The following NAV2 variants were observed in gnomAD, a reference collection of about 807,000 sequenced individuals.
The protein encoded by NAV2 is neuron navigator 2.
In NAV2, 54 loss-of-function variants were observed where a neutral mutation model predicts 223.2. The observed-to-expected ratio is 0.24, with a 90% CI of 0.19 to 0.30. The LOEUF is 0.30. Ranked by LOEUF, NAV2 falls within the 10% of genes least tolerant of loss-of-function variation. The pLI, the probability that NAV2 is intolerant of heterozygous loss-of-function variation, is 1.00. For synonymous variants in NAV2, 1,279 were observed against 1,239.3 expected (o/e 1.03, Z -0.67); for missense variants, 2,806 against 3,147.5 (o/e 0.89, Z 2.60).
chr11:19,824,300 C>T (rs962824989), intron 1 of NAV2, among the ~76,000 whole-genome samples: 47 of 152,314 alleles, frequency 3.1e-4, no homozygotes, highest in Non-Finnish European at 1.0e-4. Context: ...CACACCTACA[C>T]CTGAGACTGT....
intron 24 of NAV2, among the ~76,000 whole-genome samples, chr11:20,078,604 A>G (rs1016804724): frequency 2.0e-5 from 3 of 152,046 alleles, no homozygotes; most frequent in Admixed American, 1.3e-4. Context: ...GATTACAGGC[A>G]TGTGCCAGCA....
At chr11:19,611,318 T>C (rs2046637131) in intron 1 of NAV2, among the ~76,000 whole-genome samples, 1 of 152,080 alleles carries the variant, frequency 6.6e-6, no homozygotes, top group African/African-American at 2.4e-5. Flanking sequence ...ACCATATCAT[T>C]CCACCCCTGG....
intron 10 of NAV2, among the ~76,000 whole-genome samples, chr11:19,954,192 TA>T (rs1026111201): frequency 6.6e-6 from 1 of 152,174 alleles, no homozygotes; most frequent in African/African-American, 2.4e-5. Flanking sequence ...TGGTGATATT[TA>T]GGGCTAAGGA....
chr11:19,741,738 T>C (rs2052847728), intron 1 of NAV2, among the ~76,000 whole-genome samples: 1 of 147,924 alleles, frequency 6.8e-6, no homozygotes, highest in African/African-American at 2.5e-5. Context: ...TCACAATTTA[T>C]TTATCCATTT....
chr11:19,408,585 A>G (rs1850001976), intron 1 of NAV2, among the ~76,000 whole-genome samples: 1 of 152,214 alleles, frequency 6.6e-6, no homozygotes, highest in African/African-American at 2.4e-5. Flanking sequence ...AGCAAACTGC[A>G]ATATACTTAC....
intron 11 of NAV2, among the ~76,000 whole-genome samples, chr11:20,003,726 C>T (rs2052780717): frequency 6.6e-6 from 1 of 152,164 alleles, no homozygotes; most frequent in South Asian, 2.1e-4. Context: ...GCACACCTCC[C>T]ACTGTTCTGG....
At chr11:19,524,628 G>A (rs147673308) in intron 1 of NAV2, among the ~76,000 whole-genome samples, 4 of 151,482 alleles carry the variant, frequency 2.6e-5, no homozygotes, top group East Asian at 1.9e-4. Context: ...TGGCTTTGGT[G>A]GGGGGCTGGG....
At chr11:19,485,042 AGAG>A (rs1263681439) in intron 1 of NAV2, among the ~76,000 whole-genome samples, 2 of 4,492 alleles carry the variant, frequency 4.5e-4, no homozygotes, top group Admixed American at 0.022. Flanking sequence ...CTAGAGGCCC[AGAG>A]GCCCAGGCTA....
chr11:19,627,275 G>A (rs2047198535), intron 1 of NAV2, among the ~76,000 whole-genome samples: 1 of 152,014 alleles, frequency 6.6e-6, no homozygotes, highest in Non-Finnish European at 1.5e-5. Flanking sequence ...GTAATCCCAG[G>A]TACTCAGGAG....
chr11:19,920,831 C>T (rs916093143), intron 6 of NAV2, among the ~76,000 whole-genome samples: 1 of 152,144 alleles, frequency 6.6e-6, no homozygotes, highest in Non-Finnish European at 1.5e-5. Context: ...CTTTCCACTT[C>T]ATTATAATTA....
At position 20,101,049 on chromosome 11, in the gene NAV2, C is replaced by A; in HGVS notation, c.6294C>A (p.Gly2098=). 6.2e-7 allele frequency: 1 copy of A among 1,614,106 alleles called. No homozygotes were observed. The highest frequency in any genetic ancestry group is 8.5e-7 in the Non-Finnish European group (1 of 1,179,986). ...AGCACCGTCGGATCATTCTCTCTGG[C>A]CCCAGCGGCACTGGGAAAACCTACC... is the stretch of plus-strand genomic sequence containing the variant. ...LIEHRRIILS[G]PSGTGKTYLA... Residue 2098 remains glycine (G), a synonymous_variant, in exon 32 of 38, where the codon GGC becomes GGA. Coordinates refer to ENST00000349880, the MANE Select transcript of NAV2 (RefSeq NM_145117.5).
chr11:19,902,592 G>T (rs573728600), intron 6 of NAV2, among the ~76,000 whole-genome samples: 3 of 152,282 alleles, frequency 2.0e-5, no homozygotes, highest in East Asian at 3.9e-4. Context: ...ATGTTCATCC[G>T]ATCTTCAGAT....
intron 10 of NAV2, among the ~76,000 whole-genome samples, chr11:19,980,518 GCTC>G (rs2050204123): frequency 6.6e-6 from 1 of 152,178 alleles, no homozygotes. Flanking sequence ...TCTTATAAAA[GCTC>G]CTCAAGTGGA....
intron 1 of NAV2, among the ~76,000 whole-genome samples, chr11:19,623,234 TTA>T (rs2047061931): frequency 6.6e-6 from 1 of 152,006 alleles, no homozygotes; most frequent in Non-Finnish European, 1.5e-5. Context: ...AATCTGACAA[TTA>T]TGTGTCTTGG....
chr11:19,934,090 C>G lies in NAV2; in HGVS notation c.1846C>G (p.Leu616Val). The change falls in exon 7 of 38, where the codon CTG becomes GTG. Residue 616 changes from leucine to valine, a missense_variant. Physicochemically the swap from Leu to Val is conservative, Grantham distance 32. Transcript: ENST00000349880. The stretch of plus-strand genomic sequence containing the variant: ...CAGACACTCCAGTTCCTCTTCCAGC[C>G]TGGCGTCCTCAGAAGGAAAAGGCCC... ...DGRHSSSSSSLASSEGKGPGG... is the reference protein window; with the variant it reads ...DGRHSSSSSSVASSEGKGPGG... 1 of 1,612,994 alleles carries G rather than the reference C, an allele frequency of 6.2e-7. No homozygotes were observed. Among genetic ancestry groups the G allele is most frequent in the Non-Finnish European group, 8.5e-7 (1 of 1,179,484 alleles).
At chr11:19,630,634 C>G (rs1312642458) in intron 1 of NAV2, among the ~76,000 whole-genome samples, 1 of 152,152 alleles carries the variant, frequency 6.6e-6, no homozygotes, top group Non-Finnish European at 1.5e-5. Flanking sequence ...CATCTCTAAT[C>G]CCAACGCTTT....
intron 1 of NAV2, among the ~76,000 whole-genome samples, chr11:19,762,656 C>T (rs1356403443): frequency 6.9e-6 from 1 of 145,728 alleles, no homozygotes; most frequent in Admixed American, 7.0e-5. Flanking sequence ...ACTCTGTTAC[C>T]AGGCTGGAGG....
chr11:20,078,007 T>C lies in NAV2; in HGVS notation c.5082T>C (p.Asn1694=). ...MTAEQKDSEL[N]ELRKTIELLK... Reference sequence around the variant, plus strand: ...CTGTTCCCTAGGACTCAGAACTGAATGAGTTAAGAAAAACCATTGAGCTGC... The same window carrying C: ...CTGTTCCCTAGGACTCAGAACTGAACGAGTTAAGAAAAACCATTGAGCTGC... The change falls in exon 24 of 38, where the codon AAT becomes AAC. Residue 1694 remains asparagine, a synonymous_variant. Transcript: ENST00000349880. 1 of 1,613,536 alleles carries C rather than the reference T, an allele frequency of 6.2e-7. No individual in the cohort carries two copies. The highest frequency in any genetic ancestry group is 8.5e-7 in the Non-Finnish European group (1 of 1,179,614).
At chr11:19,536,885 G>A (rs773982962) in intron 1 of NAV2, among the ~76,000 whole-genome samples, 3 of 152,266 alleles carry the variant, frequency 2.0e-5, no homozygotes, top group Admixed American at 6.5e-5. Flanking sequence ...CAGACTAGAG[G>A]GACATGAACT....
Sources: gnomAD v4.1 joint callset for allele counts (sites outside exome capture counted in the v4.1 genomes callset) on GRCh38, gnomAD v4.1.1 for gene constraint, MANE v1.5 for transcripts, NCBI Gene and HGNC (gene_info 2026-07-23, HGNC 2026-07-21) for gene names.